Variants in GSK3B observed in about 807,000 individuals in gnomAD.
The protein encoded by GSK3B is glycogen synthase kinase-3 beta.
Under a neutral mutation model 56.4 loss-of-function variants are expected in GSK3B, and 15 were observed. The observed-to-expected ratio is 0.27, with a 90% CI of 0.18 to 0.41. The LOEUF (loss-of-function observed/expected upper bound fraction) is 0.41, where lower values mean the gene tolerates loss of function less well. GSK3B is among the 10% of genes least tolerant of loss of function. GSK3B has a pLI of 1.00. For synonymous variants in GSK3B, 181 were observed against 188.9 expected, an observed-to-expected ratio of 0.96 and a Z score of 0.34; for missense variants, 300 against 513.4, an observed-to-expected ratio of 0.58 and a Z score of 4.02.
chr3:119,833,687 G>GT (rs1162358136), intron 10 of GSK3B, among the ~76,000 whole-genome samples: 26 of 133,448 alleles, frequency 1.9e-4, no homozygotes, highest in African/African-American at 6.7e-4. Context: ...GAAACATTAG[G>GT]TTGTTTTTTT....
chr3:120,086,056 A>G (rs775352040), intron 1 of GSK3B, among the ~76,000 whole-genome samples: 7 of 152,188 alleles, frequency 4.6e-5, no homozygotes, highest in Non-Finnish European at 8.8e-5. Flanking sequence ...AAATGTATCT[A>G]GAAAAGTTCC....
intron 8 of GSK3B, chr3:119,866,624 G>A (rs2056186733): frequency 4.4e-6 from 7 of 1,599,132 alleles, no homozygotes; most frequent in Non-Finnish European, 5.1e-6. Flanking sequence ...TGTTCCTGAC[G>A]AATCCTAAAG....
At chr3:119,846,752 G>C (rs1230877607) in intron 9 of GSK3B, among the ~76,000 whole-genome samples, 2 of 152,206 alleles carry the variant, frequency 1.3e-5, no homozygotes, top group Non-Finnish European at 2.9e-5. Context: ...TCTAGAATTT[G>C]AAATACCATT....
intron 1 of GSK3B, among the ~76,000 whole-genome samples, chr3:120,086,747 A>G (rs1238257233): frequency 6.6e-6 from 1 of 152,012 alleles, no homozygotes; most frequent in Non-Finnish European, 1.5e-5. Flanking sequence ...GTGAGCCAAG[A>G]CTGTGCCACT....
intron 7 of GSK3B, 69 bp downstream of exon 7, chr3:119,905,686 T>C (rs964617506): frequency 2.9e-5 from 26 of 883,792 alleles, no homozygotes; most frequent in Non-Finnish European, 3.9e-6. Context: ...TGTGTACATG[T>C]GTGATATATA....
chr3:119,896,907 A>G (rs1271624469), intron 7 of GSK3B, among the ~76,000 whole-genome samples: 2 of 152,156 alleles, frequency 1.3e-5, no homozygotes, highest in African/African-American at 4.8e-5. Context: ...AATAACTCAA[A>G]AGGCAACCCT....
At chr3:120,008,397 C>T (rs182762413) in intron 1 of GSK3B, among the ~76,000 whole-genome samples, 93 of 152,230 alleles carry the variant, frequency 6.1e-4, no homozygotes, top group South Asian at 6.2e-4. Context: ...GCCTGCATAC[C>T]CAAGACAATC....
chr3:119,967,818 CTT>C (rs1305073784), intron 2 of GSK3B, among the ~76,000 whole-genome samples: 2 of 109,778 alleles, frequency 1.8e-5, no homozygotes, highest in African/African-American at 7.8e-5. Context: ...CCCTCCCTCC[CTT>C]TCTCTCTTTC....
intron 7 of GSK3B, among the ~76,000 whole-genome samples, chr3:119,897,768 T>C (rs2056582889): frequency 1.5e-5 from 2 of 133,312 alleles, no homozygotes; most frequent in South Asian, 4.5e-4. Flanking sequence ...ACTTCCAGCC[T>C]GGGTGACAGA....
chr3:120,077,608 G>A (rs334552), intron 1 of GSK3B, among the ~76,000 whole-genome samples: 15,796 of 151,836 alleles, frequency 0.1, 923 homozygotes, highest in African/African-American at 0.16. Flanking sequence ...ATTGTATCTA[G>A]GCTTTTGTTA....
chr3:120,058,739 G>A (rs1576301817), intron 1 of GSK3B, among the ~76,000 whole-genome samples: 2 of 152,228 alleles, frequency 1.3e-5, no homozygotes, highest in Non-Finnish European at 2.9e-5. Flanking sequence ...GCTAGGCATG[G>A]TGGCTCATGC....
rs966641605 is a variant in GSK3B, at chr3:119,822,435, G to GA, written c.*4352dup. On this transcript the variant is annotated 3_prime_UTR_variant, in exon 11 of 11. Coordinates refer to ENST00000264235, the MANE Select transcript of GSK3B (RefSeq NM_001146156.2). The stretch of plus-strand genomic sequence containing the variant: ...CTGCCTGTAGACAGATATAGTTAAG[G>GA]AAAAAAAAACTTAAAAATTAACACA... 1.5e-3 allele frequency: 314 copies of GA among 215,924 alleles called. No individual in the cohort carries two copies. The highest frequency in any genetic ancestry group is 2.9e-3 in the Middle Eastern group (2 of 696). The allele number at this position is 215,924 out of a possible 1,614,324, so 13.4% of individuals were successfully genotyped here.
intron 3 of GSK3B, among the ~76,000 whole-genome samples, chr3:119,944,669 A>C (rs1400737693): frequency 6.6e-6 from 1 of 152,044 alleles, no homozygotes; most frequent in Non-Finnish European, 1.5e-5. Context: ...TCACTTCTCC[A>C]CCTAGAGCCA....
At chr3:120,059,879 C>T (rs1421213670) in intron 1 of GSK3B, among the ~76,000 whole-genome samples, 1 of 152,202 alleles carries the variant, frequency 6.6e-6, no homozygotes, top group African/African-American at 2.4e-5. Flanking sequence ...GAACCCTAAC[C>T]TTCTTCTGTA....
At chr3:120,031,930 T>C (rs75741524) in intron 1 of GSK3B, among the ~76,000 whole-genome samples, 2,439 of 152,252 alleles carry the variant, frequency 0.016, 63 homozygotes, top group African/African-American at 0.056. Flanking sequence ...TCCTAATCAT[T>C]CCAGACTACA....
chr3:120,027,701 A>C (rs1404844668), intron 1 of GSK3B, among the ~76,000 whole-genome samples: 1 of 152,222 alleles, frequency 6.6e-6, no homozygotes, highest in Non-Finnish European at 1.5e-5. Context: ...AGCAGAGTAT[A>C]TAGCTACAAA....
chr3:120,068,443 G>A (rs2107561101), intron 1 of GSK3B, among the ~76,000 whole-genome samples: 1 of 149,924 alleles, frequency 6.7e-6, no homozygotes, highest in East Asian at 2.0e-4. Context: ...GCTCATGCCT[G>A]TATTCCCAGC....
chr3:119,939,569 C>A (rs1243265002), intron 3 of GSK3B, among the ~76,000 whole-genome samples: 19 of 151,954 alleles, frequency 1.3e-4, no homozygotes, highest in Admixed American at 1.2e-3. Flanking sequence ...TATGATTTAT[C>A]CCTGTTTTAA....
chr3:120,028,937 G>A, intron 1 of GSK3B: 2 of 551,992 alleles, frequency 3.6e-6, no homozygotes, highest in East Asian at 3.6e-5. Flanking sequence ...TCAGACACAG[G>A]CACAAGTGGT....
Sources: allele counts gnomAD v4.1 joint callset (sites outside exome capture counted in the v4.1 genomes callset), GRCh38; gene constraint gnomAD v4.1.1; transcripts MANE v1.5; gene names NCBI Gene and HGNC (gene_info 2026-07-23, HGNC 2026-07-21).